The following TACC2 variants were observed in gnomAD, a reference collection of about 807,000 sequenced individuals.
TACC2 encodes transforming acidic coiled-coil-containing protein 2.
TACC2 carries 137 observed loss-of-function variants against 227.3 expected under a neutral mutation model. The observed-to-expected ratio is 0.60, with a 90% CI of 0.52 to 0.69. The LOEUF is 0.69. Among genes scored for constraint, TACC2 ranks in the 30% least tolerant of loss-of-function variants. TACC2 has a pLI of 0.00. For missense variants in TACC2, 3,470 were observed against 3,694.4 expected (o/e 0.94, Z 1.57); for synonymous variants, 1,523 against 1,487.5 (o/e 1.02, Z -0.55).
chr10:122,126,316 CTGTGTG>C (rs3037067), intron 5 of TACC2, among the ~76,000 whole-genome samples: 19,485 of 142,088 alleles, frequency 0.14, 1,448 homozygotes, highest in African/African-American at 0.2. Flanking sequence ...TAATCCAGAA[CTGTGTG>C]TGTGTGTGTG....
At position 122,248,723 on chromosome 10, in the gene TACC2, C is replaced by T; in HGVS notation, c.8473C>T (p.Leu2825=). The T allele has an allele frequency of 3.1e-6, 5 of 1,614,176 alleles. No individual in the cohort carries two copies. The highest frequency in any genetic ancestry group is 4.2e-6 in the Non-Finnish European group (5 of 1,180,050). Residue 2825 remains leucine (L), a synonymous_variant, in exon 20 of 23, where the codon CTG becomes TTG. Transcript: ENST00000369005. Reference sequence around the variant, plus strand: ...GGAGAAGGAGCAAGCCCTGGCCGACCTGAACTCCGTGGAGAAGTCTCTGGC... The same window carrying T: ...GGAGAAGGAGCAAGCCCTGGCCGACTTGAACTCCGTGGAGAAGTCTCTGGC... ...VLEKEQALAD[L]NSVEKSLADL...
rs1318888098 is a variant in TACC2, at chr10:122,240,880, A to T, written c.8349-1078A>T. Among the ~76,000 whole-genome samples the T allele has an allele frequency of 2.0e-5, 3 of 152,138 alleles. No homozygotes were observed. The East Asian group carries it at 5.8e-4, about 29-fold the overall frequency. ...TGGGAGGCAGTATGACAAACAGGGG[A>T]TCTTAGTGCTTTTGTGCAGTTACTG... is the stretch of plus-strand genomic sequence containing the variant. On this transcript the variant is annotated intron_variant, in intron 18 of 22. Transcript: ENST00000369005.
rs767210325 is a variant in TACC2, at chr10:122,086,747, T to C, written c.4247T>C (p.Phe1416Ser). The change falls in exon 4 of 23, where the codon TTC becomes TCC. Residue 1416 changes from phenylalanine to serine, a missense_variant. Transcript: ENST00000369005. ...TTCAGGGAGCACATCGCCAAGATCT[T>C]CGAGAAGCCTGTGCTCGGAGCCCTG... is the stretch of plus-strand genomic sequence containing the variant. ...PDFREHIAKI[F>S]EKPVLGALAT... 1.2e-6 allele frequency: 2 copies of C among 1,613,898 alleles called. No homozygotes were observed. The highest frequency in any genetic ancestry group is 2.2e-5 in the South Asian group (2 of 91,082).
At chr10:122,253,874 C>T (rs1204200055) in intron 22 of TACC2, 117 bp from the exon 23 acceptor site, 7 of 762,652 alleles carry the variant, frequency 9.2e-6, no homozygotes, top group Non-Finnish European at 4.5e-6. Context: ...ATTTGTCTCA[C>T]TGCTTTAGTG....
At chr10:121,999,369 T>C (rs1344622237) in intron 1 of TACC2, among the ~76,000 whole-genome samples, 2 of 152,230 alleles carry the variant, frequency 1.3e-5, no homozygotes, top group Non-Finnish European at 2.9e-5. Flanking sequence ...AGAAAAACCA[T>C]TCCTCTGAAT....
At chr10:122,206,477 A>G (rs1375009832) in intron 8 of TACC2, among the ~76,000 whole-genome samples, 1 of 152,198 alleles carries the variant, frequency 6.6e-6, no homozygotes, top group African/African-American at 2.4e-5. Flanking sequence ...TTCCTATACG[A>G]AGAGGAAGAG....
rs554116886 is a variant in TACC2 at position 122,210,921 on chromosome 10, G to A, written c.6496G>A (p.Gly2166Arg). 1 of 1,613,852 alleles carries A rather than the reference G, an allele frequency of 6.2e-7. No homozygotes were observed. The highest frequency in any genetic ancestry group is 1.7e-5 in the Admixed American group (1 of 59,996). ...EPDEESLVPSGENLASETKTE... is the reference protein window; with the variant it reads ...EPDEESLVPSRENLASETKTE... Reference sequence around the variant, plus strand: ...AGATGAAGAGAGCCTTGTCCCCAGTGGGGAGAATCTAGCATCTGAGACGAA... The same window carrying A: ...AGATGAAGAGAGCCTTGTCCCCAGTAGGGAGAATCTAGCATCTGAGACGAA... The change falls in exon 9 of 23, where the codon GGG becomes AGG. Residue 2166 changes from glycine to arginine, a missense_variant. Coordinates refer to ENST00000369005, the MANE Select transcript of TACC2 (RefSeq NM_206862.4). This position sits in a 1 kb window ranked among gnomAD's most constrained non-coding sequence, Gnocchi z 4.6.
chr10:122,030,836 C>T (rs1958850814), intron 2 of TACC2, among the ~76,000 whole-genome samples: 1 of 152,042 alleles, frequency 6.6e-6, no homozygotes, highest in African/African-American at 2.4e-5. Flanking sequence ...ACTCAGGGCT[C>T]TCCCAGGGAA....
At chr10:122,062,872 G>A (rs576450706) in intron 3 of TACC2, among the ~76,000 whole-genome samples, 13 of 152,290 alleles carry the variant, frequency 8.5e-5, no homozygotes, top group Admixed American at 2.6e-4. Context: ...ATTGGGCCTA[G>A]GGCTACACAC....
intron 7 of TACC2, among the ~76,000 whole-genome samples, chr10:122,149,482 G>A (rs192002246): frequency 2.6e-3 from 391 of 152,272 alleles, no homozygotes; most frequent in African/African-American, 8.8e-3. Flanking sequence ...TTTCCTGTGA[G>A]GTGCCCCCAC....
intron 7 of TACC2, among the ~76,000 whole-genome samples, chr10:122,159,910 G>GAGCC (rs1331475472): frequency 1.3e-5 from 2 of 152,110 alleles, no homozygotes; most frequent in Non-Finnish European, 2.9e-5. Context: ...GGCAAAGGTG[G>GAGCC]AGCCACTCAC....
rs751297161 is a variant in TACC2, at chr10:122,248,665, A to C, written c.8415A>C (p.Ser2805=). 6.2e-7 allele frequency: 1 copy of C among 1,613,560 alleles called. No individual in the cohort carries two copies. The highest frequency in any genetic ancestry group is 8.5e-7 in the Non-Finnish European group (1 of 1,180,034). ...QMIEDEQREK[S]VSHQTVQQLV... ...CAGAGGACGAACAGAGAGAGAAGTCAGTCTCCCACCAGACGGTGCAGCAGC... is the reference window on the plus strand; with the variant it reads ...CAGAGGACGAACAGAGAGAGAAGTCCGTCTCCCACCAGACGGTGCAGCAGC... Residue 2805 remains serine, a synonymous_variant, in exon 20 of 23, where the codon TCA becomes TCC. Coordinates refer to ENST00000369005, the MANE Select transcript of TACC2 (RefSeq NM_206862.4).
rs1181116141 is a variant in TACC2, at chr10:122,252,029, T to C, written c.8782-1962T>C. 2.5e-4 allele frequency among the ~76,000 whole-genome samples: 38 copies of C among 152,356 alleles called. 1 individual carries two copies. The highest frequency in any genetic ancestry group is 2.4e-3 in the Admixed American group (37 of 15,306). On this transcript the variant is annotated intron_variant, in intron 22 of 22. Coordinates refer to ENST00000369005, the MANE Select transcript of TACC2 (RefSeq NM_206862.4). ...GGCATTTCGCCCAATCAGCGCTCTG[T>C]AAAGGCTTTTGCTCCATGAGCTGAG...
intron 2 of TACC2, among the ~76,000 whole-genome samples, chr10:122,041,845 C>T (rs112626806): frequency 1.9e-3 from 283 of 152,378 alleles, no homozygotes; most frequent in African/African-American, 6.3e-3. Context: ...TTCACTGGCA[C>T]GATTACGCAA....
chr10:122,220,921 C>T (rs562037395), intron 11 of TACC2, among the ~76,000 whole-genome samples: 1 of 152,292 alleles, frequency 6.6e-6, no homozygotes, highest in Non-Finnish European at 1.5e-5. Flanking sequence ...TGGCACAAAT[C>T]CGTGGAGAGC....
intron 3 of TACC2, among the ~76,000 whole-genome samples, chr10:122,059,972 A>T (rs546496563): frequency 6.6e-6 from 1 of 152,162 alleles, no homozygotes; most frequent in African/African-American, 2.4e-5. Context: ...GGGATCTGGC[A>T]CTCCTAAGGT....
intron 6 of TACC2, among the ~76,000 whole-genome samples, chr10:122,143,027 A>G (rs1057183714): frequency 3.3e-5 from 5 of 152,146 alleles, no homozygotes; most frequent in African/African-American, 1.2e-4. Flanking sequence ...CTCGAGGGCC[A>G]CACTCCGTCT....
At chr10:122,130,665 T>C (rs1198950854) in intron 5 of TACC2, among the ~76,000 whole-genome samples, 1 of 152,216 alleles carries the variant, frequency 6.6e-6, no homozygotes, top group Non-Finnish European at 1.5e-5. Flanking sequence ...CTTGGGTTTG[T>C]ATCCTGGTTC....
At chr10:122,168,423 A>G (rs542622118) in intron 7 of TACC2, among the ~76,000 whole-genome samples, 1 of 152,258 alleles carries the variant, frequency 6.6e-6, no homozygotes, top group East Asian at 1.9e-4. Flanking sequence ...TTGATTCCCA[A>G]AGGAAGCTTG....
Sources: gnomAD v4.1 joint callset for allele counts (sites outside exome capture counted in the v4.1 genomes callset) on GRCh38, gnomAD v4.1.1 for gene constraint, Gnocchi (gnomAD v3.1) non-coding constraint, MANE v1.5 for transcripts, NCBI Gene and HGNC (gene_info 2026-07-23, HGNC 2026-07-21) for gene names.